The following EPB41 variants were observed in gnomAD, a reference collection of about 807,000 sequenced individuals.
EPB41 encodes the protein protein 4.1.
In EPB41, 65 loss-of-function variants were observed where a neutral mutation model predicts 108.0. That is an observed-to-expected ratio of 0.60 (90% CI 0.49 to 0.74). The LOEUF is 0.74. Among genes scored for constraint, EPB41 ranks in the 30% least tolerant of loss-of-function variants. The pLI is 0.00. For synonymous variants in EPB41, 336 were observed against 358.9 expected (o/e 0.94, Z 0.72); for missense variants, 875 against 1,037.0 (o/e 0.84, Z 2.15).
At chr1:29,039,844 A>C (rs1240086088) in intron 11 of EPB41, among the ~76,000 whole-genome samples, 2 of 152,078 alleles carry the variant, frequency 1.3e-5, no homozygotes, top group African/African-American at 4.8e-5. Context: ...GGTAAAATGA[A>C]AGGGATCTTA....
intron 16 of EPB41, among the ~76,000 whole-genome samples, chr1:29,066,671 CT>C (rs930293427): frequency 5.3e-5 from 8 of 151,224 alleles, no homozygotes; most frequent in African/African-American, 9.7e-5. Flanking sequence ...AATTTTAAAA[CT>C]TTTTTTTTCC....
At chr1:29,027,474 G>C (rs565801353) in intron 7 of EPB41, among the ~76,000 whole-genome samples, 23 of 152,002 alleles carry the variant, frequency 1.5e-4, no homozygotes, top group African/African-American at 5.1e-4. Flanking sequence ...TGGGATTACA[G>C]GCATGTGCCA....
intron 16 of EPB41, among the ~76,000 whole-genome samples, chr1:29,090,105 A>G (rs989563666): frequency 6.6e-6 from 1 of 152,060 alleles, no homozygotes; most frequent in Non-Finnish European, 1.5e-5. Context: ...CTCAACTAAA[A>G]ATACAAAAAT....
intron 19 of EPB41, among the ~76,000 whole-genome samples, chr1:29,113,659 T>C (rs1669955764): frequency 6.6e-6 from 1 of 152,174 alleles, no homozygotes; most frequent in Admixed American, 6.5e-5. Flanking sequence ...ACCTAATTGG[T>C]TATATGTCCT....
intron 7 of EPB41, among the ~76,000 whole-genome samples, chr1:29,029,041 C>CAA (rs34636821): frequency 8.9e-5 from 11 of 123,730 alleles, no homozygotes; most frequent in African/African-American, 2.7e-4. Context: ...GACCCTGTCT[C>CAA]AAAAAAAAAA....
At chr1:28,994,406 C>T (rs2096109817) in intron 3 of EPB41, among the ~76,000 whole-genome samples, 1 of 150,008 alleles carries the variant, frequency 6.7e-6, no homozygotes, top group Non-Finnish European at 1.5e-5. Context: ...CTCCTGACCT[C>T]GTGATCTGCC....
At chr1:28,937,526 A>G (rs566301632) in intron 1 of EPB41, among the ~76,000 whole-genome samples, 1 of 152,084 alleles carries the variant, frequency 6.6e-6, no homozygotes, top group Admixed American at 6.6e-5. Flanking sequence ...TCCCAAGTAG[A>G]TGGGATGACA....
At chr1:29,042,992 T>TA (rs1258751657) in intron 11 of EPB41, among the ~76,000 whole-genome samples, 6 of 152,202 alleles carry the variant, frequency 3.9e-5, no homozygotes, top group African/African-American at 1.4e-4. Flanking sequence ...TTCAGATACA[T>TA]ATTTATTACT....
At position 29,018,777 on chromosome 1, in the gene EPB41, C is replaced by T. The variant is rs2096608075; in HGVS notation, c.1124+335C>T. ...ATCAGATTTAAAGCTAATTATGCTG[C>T]ATTAGGTACCTTGAGATCCTTAGAG... is the stretch of plus-strand genomic sequence containing the variant. On this transcript the variant is annotated intron_variant, in intron 7 of 20. Transcript: ENST00000343067. The surrounding 1 kb of genome is among the most constrained non-coding windows in gnomAD (Gnocchi z 4.4). 6.6e-6 allele frequency among the ~76,000 whole-genome samples: 1 copy of T among 152,128 alleles called. No homozygotes were observed. The highest frequency in any genetic ancestry group is 1.5e-5 in the Non-Finnish European group (1 of 68,028).
At chr1:28,938,762 G>A (rs2094155398) in intron 1 of EPB41, among the ~76,000 whole-genome samples, 1 of 151,852 alleles carries the variant, frequency 6.6e-6, no homozygotes, top group Non-Finnish European at 1.5e-5. Context: ...CAAACTCCTG[G>A]GCTCAAGTGC....
At chr1:28,906,838 C>T (rs983886673) in intron 1 of EPB41, among the ~76,000 whole-genome samples, 2 of 149,382 alleles carry the variant, frequency 1.3e-5, no homozygotes, top group African/African-American at 4.9e-5. Flanking sequence ...TGCAGTAGTG[C>T]GATCTCAGCT....
At chr1:28,900,615 T>G (rs1488816566) in intron 1 of EPB41, among the ~76,000 whole-genome samples, 1 of 152,108 alleles carries the variant, frequency 6.6e-6, no homozygotes, top group Non-Finnish European at 1.5e-5. Flanking sequence ...TCTCTTGGTC[T>G]CATGCCTTTG....
chr1:29,026,216 A>T (rs1274410896), intron 7 of EPB41, among the ~76,000 whole-genome samples: 3 of 152,152 alleles, frequency 2.0e-5, no homozygotes, highest in East Asian at 1.9e-4. Context: ...AGAGGGATTG[A>T]TCAAATTAGT....
At chr1:28,916,252 G>A (rs967090255) in intron 1 of EPB41, among the ~76,000 whole-genome samples, 4 of 152,180 alleles carry the variant, frequency 2.6e-5, no homozygotes, top group Non-Finnish European at 5.9e-5. Flanking sequence ...TTAATTCAGT[G>A]TGCTTTCTAT....
chr1:29,041,159 A>T (rs1272110490), intron 11 of EPB41: 4 of 147,902 alleles, frequency 2.7e-5, no homozygotes, highest in African/African-American at 5.1e-5. Context: ...AAATAAATAA[A>T]TAAATAAATA....
chr1:28,997,988 G>A (rs1462935658), intron 4 of EPB41, among the ~76,000 whole-genome samples: 1 of 152,140 alleles, frequency 6.6e-6, no homozygotes, highest in Non-Finnish European at 1.5e-5. Context: ...AATGATGAAA[G>A]CTTTAGTCCA....
chr1:28,914,944 C>G (rs1178887227), intron 1 of EPB41, among the ~76,000 whole-genome samples, 176 bp downstream of exon 1: 1 of 151,602 alleles, frequency 6.6e-6, no homozygotes, highest in Non-Finnish European at 1.5e-5. Flanking sequence ...CACGCCGAGT[C>G]GCCAGCCGGG....
chr1:29,104,858 G>A lies in EPB41; in HGVS notation c.2314-4478G>A, dbSNP rs533337400. Among the ~76,000 whole-genome samples the A allele has an allele frequency of 5.3e-5, 8 of 151,714 alleles. No homozygotes were observed. The South Asian group carries it at 1.7e-3, about 32-fold the overall frequency. On this transcript the variant is annotated intron_variant, in intron 17 of 20. Transcript: ENST00000343067. ...CCGCCTCGGCCTCCCAAAGTGCTGGGATTACAGGTGTGAGCCACTGTGCCC... is the reference window on the plus strand; with the variant it reads ...CCGCCTCGGCCTCCCAAAGTGCTGGAATTACAGGTGTGAGCCACTGTGCCC...
intron 1 of EPB41, among the ~76,000 whole-genome samples, chr1:28,920,089 C>A (rs1266078352): frequency 6.6e-6 from 1 of 151,906 alleles, no homozygotes; most frequent in Non-Finnish European, 1.5e-5. Context: ...GAAATTTTGG[C>A]AGGGTGGGTA....
Sources: allele counts gnomAD v4.1 joint callset (sites outside exome capture counted in the v4.1 genomes callset), GRCh38; gene constraint gnomAD v4.1.1; non-coding constraint Gnocchi (gnomAD v3.1); transcripts MANE v1.5; gene names NCBI Gene and HGNC (gene_info 2026-07-23, HGNC 2026-07-21).